The following SPAG9 variants were observed in gnomAD, a reference collection of about 807,000 sequenced individuals.
The protein encoded by SPAG9 is sperm associated antigen 9.
Under a neutral mutation model 166.5 loss-of-function variants are expected in SPAG9, and 35 were observed. The observed-to-expected ratio is 0.21, with a 90% CI of 0.16 to 0.28. SPAG9 has a LOEUF of 0.28. Among genes scored for constraint, SPAG9 ranks in the 10% least tolerant of loss-of-function variants. The probability of loss-of-function intolerance (pLI) is 1.00; values close to 1 mark genes in which losing one functional copy is unlikely to be tolerated. For synonymous variants in SPAG9, 534 were observed against 565.5 expected (o/e 0.94, Z 0.79); for missense variants, 1,235 against 1,603.3 (o/e 0.77, Z 3.92).
intron 1 of SPAG9, among the ~76,000 whole-genome samples, chr17:51,101,357 A>G (rs2048803925): frequency 6.6e-6 from 1 of 151,538 alleles, no homozygotes; most frequent in African/African-American, 2.4e-5. Flanking sequence ...AAAAAAAAAA[A>G]AAAAAAAAAA....
At position 50,970,772 on chromosome 17, in the gene SPAG9, C is replaced by T; in HGVS notation, c.3785G>A (p.Ser1262Asn). 1 of 1,614,170 alleles carries T rather than the reference C, an allele frequency of 6.2e-7. No individual in the cohort carries two copies. Among genetic ancestry groups the T allele is most frequent in the South Asian group, 1.1e-5 (1 of 91,092 alleles). The change falls in exon 29 of 30, where the codon AGT becomes AAT. Residue 1262 changes from serine (S) to asparagine (N), a missense_variant. Physicochemically the swap from Ser to Asn is conservative, Grantham distance 46. Around this residue, in one of 6 missense-constraint regions of SPAG9, gnomAD observed 243 missense variants for 358.6 expected, o/e 0.68. Coordinates refer to ENST00000262013, the MANE Select transcript of SPAG9 (RefSeq NM_001130528.3). ...AAGCATAGACTTCAAGGGCGTCTGA[C>T]TACCAGGCTCCTGTGCAGATGGCCC... ...KAGPSAQEPG[S>N]QTPLKSMLVI... is the part of the protein sequence containing the mutation.
At chr17:51,016,442 G>A (rs2045700886) in intron 8 of SPAG9, among the ~76,000 whole-genome samples, 1 of 152,216 alleles carries the variant, frequency 6.6e-6, no homozygotes. Flanking sequence ...GAGGCTGCAG[G>A]AGAGTAAGCC....
chr17:51,013,126 T>G (rs975899735), intron 9 of SPAG9, among the ~76,000 whole-genome samples: 1 of 152,158 alleles, frequency 6.6e-6, no homozygotes, highest in Non-Finnish European at 1.5e-5. Context: ...CATAAAATAA[T>G]GCAAGCAATG....
chr17:50,990,477 C>T lies in SPAG9; in HGVS notation c.2590G>A (p.Ala864Thr). Residue 864 changes from alanine (A) to threonine (T), a missense_variant, in exon 20 of 30, where the codon GCT becomes ACT. Ala to Thr is a moderately conservative substitution (Grantham distance 58). This residue lies in a region of SPAG9 where 493 missense variants were observed against 559.4 expected (regional missense o/e 0.88). Coordinates refer to ENST00000262013, the MANE Select transcript of SPAG9 (RefSeq NM_001130528.3). ...GGTGGTTTATCCATCACTGGAGAAG[C>T]ACCATTTGTACTAGGGGAAGTGGCA... ...GAATSPSTNG[A>T]SPVMDKPPEM... 6.2e-7 allele frequency: 1 copy of T among 1,614,146 alleles called. No individual in the cohort carries two copies. Among genetic ancestry groups the T allele is most frequent in the East Asian group, 2.2e-5 (1 of 44,892 alleles).
At chr17:51,099,199 C>T (rs1454932219) in intron 1 of SPAG9, among the ~76,000 whole-genome samples, 2 of 151,148 alleles carry the variant, frequency 1.3e-5, no homozygotes, top group South Asian at 4.2e-4. Flanking sequence ...TTTGAGAGAC[C>T]GAGGTGGGCA....
intron 2 of SPAG9, among the ~76,000 whole-genome samples, chr17:51,061,576 C>A (rs1230834250): frequency 2.5e-5 from 3 of 121,136 alleles, no homozygotes; most frequent in Admixed American, 1.1e-4. Flanking sequence ...CAACATTGCA[C>A]TCTAGTCTGG....
chr17:51,077,033 T>TCTAGCTAGCTAGCTATCTAGCTATCTAG (rs1159538758), intron 2 of SPAG9, among the ~76,000 whole-genome samples: 1 of 94,488 alleles, frequency 1.1e-5, no homozygotes, highest in African/African-American at 3.8e-5. Context: ...TAGCTATCTA[T>TCTAGCTAGCTAGCTATCTAGCTATCTAG]CTAGCTATCT....
intron 29 of SPAG9, among the ~76,000 whole-genome samples, chr17:50,967,355 G>A (rs536148978): frequency 6.6e-6 from 1 of 152,150 alleles, no homozygotes; most frequent in South Asian, 2.1e-4. Flanking sequence ...ATTTCAGCTG[G>A]ACAAAAGAAA....
intron 8 of SPAG9, among the ~76,000 whole-genome samples, chr17:51,015,598 T>C (rs1223903426): frequency 6.6e-6 from 1 of 151,406 alleles, no homozygotes; most frequent in Non-Finnish European, 1.5e-5. Context: ...AAAAAGACAA[T>C]GCAGGCAGCA....
At chr17:51,035,705 T>C (rs1446718540) in intron 5 of SPAG9, among the ~76,000 whole-genome samples, 11 of 152,208 alleles carry the variant, frequency 7.2e-5, no homozygotes, top group Non-Finnish European at 1.6e-4. Flanking sequence ...TACTAAAGTA[T>C]CACAAGTCAT....
chr17:51,015,007 G>A (rs1259251982), intron 8 of SPAG9, among the ~76,000 whole-genome samples: 2 of 151,974 alleles, frequency 1.3e-5, no homozygotes, highest in African/African-American at 4.8e-5. Flanking sequence ...AAATATGGTG[G>A]AGAGAACATA....
chr17:51,007,926 C>A, intron 9 of SPAG9: 1 of 407,634 alleles, frequency 2.5e-6, no homozygotes, highest in Non-Finnish European at 4.9e-6. Context: ...AGCATGAAAA[C>A]AGATTATTAA....
chr17:51,070,072 T>A (rs140662990), intron 2 of SPAG9, among the ~76,000 whole-genome samples: 21 of 135,850 alleles, frequency 1.5e-4, no homozygotes, highest in Admixed American at 5.9e-4. Context: ...CCTCATCTCT[T>A]AAAAAAAAAA....
At chr17:51,005,410 A>C (rs533769268) in intron 11 of SPAG9, 147 bp from the exon 12 acceptor site, 7 of 668,476 alleles carry the variant, frequency 1.0e-5, no homozygotes, top group Non-Finnish European at 7.8e-6. Context: ...CATTTGGTGG[A>C]GTATCATCAT....
intron 13 of SPAG9, among the ~76,000 whole-genome samples, chr17:51,000,680 C>T (rs189411407): frequency 1.8e-4 from 27 of 151,426 alleles, no homozygotes; most frequent in African/African-American, 4.6e-4. Context: ...TGCAGTGAGC[C>T]GAGATCACAC....
chr17:51,023,134 T>A lies in SPAG9; in HGVS notation c.784-1769A>T, dbSNP rs185867586. On this transcript the variant is annotated intron_variant, in intron 6 of 29. Transcript: ENST00000262013. Reference sequence around the variant, plus strand: ...TATTAAGTTATTCTACATTATGGCTTAGCAATGTGTTTCACACATACTAAG... The same window carrying A: ...TATTAAGTTATTCTACATTATGGCTAAGCAATGTGTTTCACACATACTAAG... Among the ~76,000 whole-genome samples, 617 of 148,732 alleles carry A rather than the reference T, an allele frequency of 4.1e-3. 6 individuals carry two copies. Among genetic ancestry groups the A allele is most frequent in the Middle Eastern group, 0.032 (9 of 280 alleles).
intron 2 of SPAG9, among the ~76,000 whole-genome samples, chr17:51,071,249 C>T (rs560976066): frequency 1.3e-5 from 2 of 152,114 alleles, no homozygotes; most frequent in Non-Finnish European, 2.9e-5. Context: ...GATAGAAATA[C>T]ACAACATACA....
chr17:51,036,982 T>C lies in SPAG9; in HGVS notation c.741+4519A>G, dbSNP rs1240421894. Among the ~76,000 whole-genome samples the C allele has an allele frequency of 3.3e-5, 5 of 152,260 alleles. No individual in the cohort carries two copies. In the East Asian group the frequency reaches 9.6e-4, roughly 29 times the overall value. ...CTGTTCTTCAGGACTGTCTTGGTTA[T>C]ACTTGGCCTTTTGTTTTCCAATTCC... On this transcript the variant is annotated intron_variant, in intron 5 of 29. Transcript: ENST00000262013.
chr17:51,061,423 G>A (rs1008506296), intron 2 of SPAG9, among the ~76,000 whole-genome samples: 5 of 151,738 alleles, frequency 3.3e-5, no homozygotes, highest in African/African-American at 1.2e-4. Context: ...GACCAGCCTG[G>A]CCAACATGGT....
Sources: allele counts gnomAD v4.1 joint callset (sites outside exome capture counted in the v4.1 genomes callset), GRCh38; gene constraint gnomAD v4.1.1; regional missense constraint gnomAD v4.1.1; transcripts MANE v1.5; gene names NCBI Gene and HGNC (gene_info 2026-07-23, HGNC 2026-07-21).